ERC1: variants seen among roughly 807,000 people sequenced by gnomAD.
ERC1 encodes the protein ELKS/RAB6-interacting/CAST family member 1, also known as RAB6 interacting protein 2.
ERC1 carries 56 observed loss-of-function variants against 132.0 expected under a neutral mutation model. The observed-to-expected ratio is 0.42, with a 90% confidence interval of 0.34 to 0.53. The LOEUF (loss-of-function observed/expected upper bound fraction) is 0.53, where lower values mean the gene tolerates loss of function less well. Among genes scored for constraint, ERC1 ranks in the 20% least tolerant of loss-of-function variants. The probability of loss-of-function intolerance (pLI) is 0.03; values close to 1 mark genes in which losing one functional copy is unlikely to be tolerated. For missense variants in ERC1, 1,202 were observed against 1,349.9 expected (o/e 0.89, Z 1.72); for synonymous variants, 478 against 476.1 (o/e 1.00, Z -0.05).
intron 15 of ERC1, among the ~76,000 whole-genome samples, chr12:1,324,813 A>G (rs1305505135): frequency 1.3e-5 from 2 of 152,120 alleles, no homozygotes; most frequent in Non-Finnish European, 2.9e-5. Context: ...TCCTTTTCCA[A>G]ATTCAGTTTA....
intron 18 of ERC1, among the ~76,000 whole-genome samples, chr12:1,484,098 G>C (rs1314713654): frequency 7.3e-6 from 1 of 136,188 alleles, no homozygotes; most frequent in Admixed American, 7.2e-5. Flanking sequence ...GAGGTCAGGA[G>C]ATCAAGACCT....
At chr12:1,457,219 T>C (rs2093556521) in intron 18 of ERC1, among the ~76,000 whole-genome samples, 1 of 152,212 alleles carries the variant, frequency 6.6e-6, no homozygotes, top group Non-Finnish European at 1.5e-5. Context: ...AGTCAGTCTG[T>C]GATGTTCCCA....
intron 1 of ERC1, among the ~76,000 whole-genome samples, chr12:1,023,228 G>A (rs1013901055): frequency 6.6e-6 from 1 of 152,084 alleles, no homozygotes; most frequent in African/African-American, 2.4e-5. Flanking sequence ...ATAATTGTGG[G>A]AATGGAGGAA....
chr12:1,332,034 T>C (rs1479055177), intron 15 of ERC1, among the ~76,000 whole-genome samples: 1 of 152,240 alleles, frequency 6.6e-6, no homozygotes, highest in Non-Finnish European at 1.5e-5. Context: ...CTTGTATTAC[T>C]TCTTTGGTCA....
intron 7 of ERC1, among the ~76,000 whole-genome samples, chr12:1,133,600 A>G (rs1464489064): frequency 1.3e-5 from 2 of 152,114 alleles, no homozygotes; most frequent in Non-Finnish European, 2.9e-5. Flanking sequence ...TTTTAACTGA[A>G]TCAATATTCA....
At chr12:1,161,743 C>G (rs1436616551) in intron 8 of ERC1, among the ~76,000 whole-genome samples, 2 of 152,140 alleles carry the variant, frequency 1.3e-5, no homozygotes, top group African/African-American at 4.8e-5. Context: ...ACAAAAAAGC[C>G]TTAAATTCTG....
At chr12:1,000,461 G>C (rs1343096290) in intron 1 of ERC1, among the ~76,000 whole-genome samples, 1 of 151,380 alleles carries the variant, frequency 6.6e-6, no homozygotes, top group Non-Finnish European at 1.5e-5. Flanking sequence ...ACTCCAGTCT[G>C]GATGACAGAG....
intron 1 of ERC1, among the ~76,000 whole-genome samples, chr12:994,195 A>G (rs1960306605): frequency 6.6e-6 from 1 of 152,186 alleles, no homozygotes. Flanking sequence ...TTTCATCAGA[A>G]ACATTAATGG....
chr12:1,474,912 T>TC (rs1434924488), intron 18 of ERC1, among the ~76,000 whole-genome samples: 1 of 152,226 alleles, frequency 6.6e-6, no homozygotes, highest in Non-Finnish European at 1.5e-5. Context: ...TGCATACGCT[T>TC]CCAGCCTGTG....
chr12:1,331,727 G>A (rs1156264512), intron 15 of ERC1, among the ~76,000 whole-genome samples: 1 of 152,172 alleles, frequency 6.6e-6, no homozygotes, highest in Admixed American at 6.5e-5. Flanking sequence ...CCTCATCCAG[G>A]AGGAGTGAGA....
chr12:1,236,917 G>T lies in ERC1; in HGVS notation c.2487+13G>T. On this transcript the variant is annotated intron_variant, in intron 13 of 18. Transcript: ENST00000360905. ...TCAGCAGCTACAGGTTAGAACACAAGGAGAATCTGAAAGGATCGGGTGAAG... is the reference window on the plus strand; with the variant it reads ...TCAGCAGCTACAGGTTAGAACACAATGAGAATCTGAAAGGATCGGGTGAAG... The T allele has an allele frequency of 6.2e-7, 1 of 1,613,334 alleles. No individual in the cohort carries two copies. Among genetic ancestry groups the T allele is most frequent in the Non-Finnish European group, 8.5e-7 (1 of 1,179,484 alleles).
intron 2 of ERC1, among the ~76,000 whole-genome samples, chr12:1,056,925 C>T (rs1218287692): frequency 3.9e-5 from 6 of 152,020 alleles, no homozygotes; most frequent in Admixed American, 1.3e-4. Flanking sequence ...TTATTATCTG[C>T]GTAAATAATT....
chr12:1,332,887 A>C (rs1405468318), intron 15 of ERC1, among the ~76,000 whole-genome samples: 1 of 152,128 alleles, frequency 6.6e-6, no homozygotes, highest in Non-Finnish European at 1.5e-5. Context: ...CTTGTTTTAA[A>C]GCTTTTATTT....
chr12:1,416,098 T>G (rs568864593), intron 17 of ERC1, among the ~76,000 whole-genome samples: 1 of 152,318 alleles, frequency 6.6e-6, no homozygotes, highest in African/African-American at 2.4e-5. Context: ...TCCTTGGACA[T>G]AGTAGACAAC....
intron 7 of ERC1, among the ~76,000 whole-genome samples, chr12:1,117,954 G>A (rs949670220): frequency 2.6e-5 from 4 of 152,026 alleles, no homozygotes; most frequent in African/African-American, 9.7e-5. Flanking sequence ...GTGCATAGTA[G>A]GTATATATAT....
At chr12:1,410,302 T>G in intron 17 of ERC1, 1 of 497,626 alleles carries the variant, frequency 2.0e-6, no homozygotes, top group South Asian at 1.6e-5. Context: ...TACATTATGC[T>G]TATGTCTTTG....
intron 14 of ERC1, among the ~76,000 whole-genome samples, chr12:1,283,709 T>C (rs1351539261): frequency 6.6e-6 from 1 of 152,206 alleles, no homozygotes; most frequent in Non-Finnish European, 1.5e-5. Context: ...GATGGGAAAA[T>C]TAAGCAATCT....
At chr12:1,318,817 C>T (rs1402613987) in intron 15 of ERC1, among the ~76,000 whole-genome samples, 3 of 151,664 alleles carry the variant, frequency 2.0e-5, no homozygotes, top group South Asian at 2.1e-4. Flanking sequence ...AGCTGCAGAG[C>T]GTGTGGGTCT....
chr12:1,243,850 T>C (rs575579065), intron 13 of ERC1, among the ~76,000 whole-genome samples: 1 of 152,218 alleles, frequency 6.6e-6, no homozygotes, highest in Non-Finnish European at 1.5e-5. Context: ...TGAATGCCAG[T>C]TCTTTATCCG....
Sources: gnomAD v4.1 joint callset for allele counts (sites outside exome capture counted in the v4.1 genomes callset) on GRCh38, gnomAD v4.1.1 for gene constraint, MANE v1.5 for transcripts, NCBI Gene and HGNC (gene_info 2026-07-23, HGNC 2026-07-21) for gene names.